Variants in INPP4A observed in about 807,000 individuals in gnomAD.
INPP4A encodes inositol polyphosphate-4-phosphatase type I A.
A neutral mutation model predicts 119.8 loss-of-function variants in INPP4A; 33 were observed. The ratio of observed to expected loss-of-function variants is 0.28; its 90% CI spans 0.21 to 0.37. The LOEUF (loss-of-function observed/expected upper bound fraction) is 0.37. Ranked by LOEUF, INPP4A falls within the 10% of genes least tolerant of loss-of-function variation. The pLI is 1.00. For missense variants in INPP4A, 956 were observed against 1,289.9 expected (o/e 0.74, Z 3.97); for synonymous variants, 496 against 500.7 (o/e 0.99, Z 0.12).
intron 23 of INPP4A, among the ~76,000 whole-genome samples, chr2:98,575,773 A>G (rs1698316128): frequency 6.6e-6 from 1 of 152,214 alleles, no homozygotes; most frequent in Non-Finnish European, 1.5e-5. Flanking sequence ...TTTTTCTGGC[A>G]TACAACAGAT....
chr2:98,531,050 T>C (rs1689116842), intron 4 of INPP4A, among the ~76,000 whole-genome samples: 1 of 152,212 alleles, frequency 6.6e-6, no homozygotes, highest in Non-Finnish European at 1.5e-5. Flanking sequence ...TTGTGTCTCT[T>C]CTTTTAAAGG....
chr2:98,469,799 C>T (rs916641693), intron 1 of INPP4A, among the ~76,000 whole-genome samples: 6 of 152,048 alleles, frequency 3.9e-5, no homozygotes, highest in Non-Finnish European at 5.9e-5. Flanking sequence ...AAAGAAATTC[C>T]GTCTCAAACA....
intron 3 of INPP4A, 30 bp downstream of exon 3, chr2:98,520,184 C>G (rs1361601079): frequency 6.6e-7 from 1 of 1,505,084 alleles, no homozygotes; most frequent in Non-Finnish European, 9.0e-7. Context: ...CACCGGGCTC[C>G]AGGTATGAGC....
chr2:98,568,808 A>C (rs981204769), intron 22 of INPP4A, 140 bp downstream of exon 22: 13 of 629,546 alleles, frequency 2.1e-5, no homozygotes, highest in Non-Finnish European at 3.2e-5. Flanking sequence ...CTAAACACAC[A>C]CACGCAGAGA....
At chr2:98,541,200 G>A (rs1347234391) in intron 10 of INPP4A, among the ~76,000 whole-genome samples, 13 of 152,070 alleles carry the variant, frequency 8.5e-5, no homozygotes, top group Middle Eastern at 3.4e-3. Context: ...GGTGGTGGGC[G>A]CCTGTAGTCC....
chr2:98,508,577 G>A (rs1019668601), intron 1 of INPP4A, among the ~76,000 whole-genome samples: 2 of 152,228 alleles, frequency 1.3e-5, no homozygotes, highest in Non-Finnish European at 1.5e-5. Flanking sequence ...TGATGAGGGG[G>A]TTGAAATACT....
intron 4 of INPP4A, among the ~76,000 whole-genome samples, chr2:98,528,189 TGAA>T (rs1388602689): frequency 6.6e-6 from 1 of 152,158 alleles, no homozygotes; most frequent in Non-Finnish European, 1.5e-5. Context: ...AATAGAGACT[TGAA>T]GAGATAGAAA....
At position 98,535,848 on chromosome 2, in the gene INPP4A, TAAGTA is replaced by T. The variant is rs770205144; in HGVS notation, c.387+5_387+9del. 7.2e-7 allele frequency: 1 copy of T among 1,379,778 alleles called. No homozygotes were observed. Among genetic ancestry groups the T allele is most frequent in the Non-Finnish European group, 1.0e-6 (1 of 977,934 alleles). 85.5% of individuals were successfully genotyped at this position (1,379,778 alleles called of 1,614,324 possible). On this transcript the variant is annotated splice_donor_5th_base_variant and intron_variant, in intron 6 of 24. Coordinates refer to ENST00000409851, the MANE Select transcript of INPP4A (RefSeq NM_001134225.2). Reference sequence around the variant, plus strand: ...TCAAAGATAGATCTCAGGGAACAGTTAAGTAATGTGTTGTAGTTCGTGGGATTTTC... The same window carrying T: ...TCAAAGATAGATCTCAGGGAACAGTTATGTGTTGTAGTTCGTGGGATTTTC...
intron 1 of INPP4A, among the ~76,000 whole-genome samples, chr2:98,450,858 G>GC (rs967055185): frequency 2.0e-5 from 3 of 152,122 alleles, no homozygotes; most frequent in Middle Eastern, 3.4e-3. Flanking sequence ...TGCAACCTCC[G>GC]CCCCCTGGGT....
At chr2:98,578,873 C>T (rs1698851560) in intron 24 of INPP4A, among the ~76,000 whole-genome samples, 1 of 152,214 alleles carries the variant, frequency 6.6e-6, no homozygotes, top group South Asian at 2.1e-4. Flanking sequence ...TGGATACATA[C>T]TGTCTAGATA....
At chr2:98,513,642 G>C (rs753268406) in intron 1 of INPP4A, among the ~76,000 whole-genome samples, 37 of 152,242 alleles carry the variant, frequency 2.4e-4, no homozygotes, top group Admixed American at 7.8e-4. Flanking sequence ...AATGTGAGCT[G>C]TTGTGGCAAG....
At chr2:98,581,587 G>A (rs1377341261) in intron 24 of INPP4A, 1 of 1,545,492 alleles carries the variant, frequency 6.5e-7, no homozygotes, top group Non-Finnish European at 8.7e-7. Context: ...ATTGGAACAC[G>A]GGAGGTAGTC....
At chr2:98,545,540 T>C (rs1378273522) in intron 11 of INPP4A, among the ~76,000 whole-genome samples, 1 of 152,204 alleles carries the variant, frequency 6.6e-6, no homozygotes, top group African/African-American at 2.4e-5. Context: ...ACCAGATTCT[T>C]AGCTCTTTGA....
intron 1 of INPP4A, among the ~76,000 whole-genome samples, chr2:98,463,262 A>G (rs1375574194): frequency 6.6e-6 from 1 of 152,228 alleles, no homozygotes; most frequent in Non-Finnish European, 1.5e-5. Context: ...TCAAGCGGCC[A>G]ACTCAAGCTG....
In INPP4A at chr2:98,554,635, G is replaced by A; in HGVS notation, c.1566+146G>A. ...GGTTTCCTTCCTGGATGGCTCCTTG[G>A]CTCCTGATGCAGGGAGGGAGGAGAC... On this transcript the variant is annotated intron_variant, in intron 15 of 24. Transcript: ENST00000409851. This position sits in a 1 kb window ranked among gnomAD's most constrained non-coding sequence, Gnocchi z 4.7. The A allele has an allele frequency of 1.4e-6, 1 of 695,402 alleles. No individual in the cohort carries two copies. The allele number at this position is 695,402 out of a possible 1,614,324, so 43.1% of individuals were successfully genotyped here.
chr2:98,484,591 T>C (rs564007349), intron 1 of INPP4A, among the ~76,000 whole-genome samples: 2 of 152,256 alleles, frequency 1.3e-5, no homozygotes, highest in African/African-American at 4.8e-5. Context: ...GATGGTACAG[T>C]TCCCCAGTTA....
chr2:98,478,437 G>C (rs749062940), intron 1 of INPP4A, among the ~76,000 whole-genome samples: 6 of 152,218 alleles, frequency 3.9e-5, no homozygotes, highest in Non-Finnish European at 5.9e-5. Context: ...AGCTGAGCCA[G>C]CCTTGCAGTC....
chr2:98,563,351 G>C, intron 17 of INPP4A, 114 bp from the exon 18 acceptor site: 1 of 945,762 alleles, frequency 1.1e-6, no homozygotes, highest in East Asian at 2.7e-5. Context: ...ATGAGGTGGA[G>C]ATGGGGGAGT....
At chr2:98,530,162 A>C (rs1688945735) in intron 4 of INPP4A, among the ~76,000 whole-genome samples, 1 of 152,054 alleles carries the variant, frequency 6.6e-6, no homozygotes, top group African/African-American at 2.4e-5. Flanking sequence ...GATAAATAAC[A>C]AACATCAAAT....
Sources: gnomAD v4.1 joint callset for allele counts (sites outside exome capture counted in the v4.1 genomes callset) on GRCh38, gnomAD v4.1.1 for gene constraint, Gnocchi (gnomAD v3.1) non-coding constraint, MANE v1.5 for transcripts, NCBI Gene and HGNC (gene_info 2026-07-23, HGNC 2026-07-21) for gene names.